The following MYH9 variants were observed in gnomAD, a reference collection of about 807,000 sequenced individuals.
The protein encoded by MYH9 is myosin heavy chain 9.
A neutral mutation model predicts 241.9 loss-of-function variants in MYH9; 29 were observed. That is an observed-to-expected ratio of 0.12 (90% CI 0.09 to 0.16). The LOEUF is 0.16. Ranked by LOEUF, MYH9 falls within the 10% of genes least tolerant of loss-of-function variation. The pLI, the probability that MYH9 is intolerant of heterozygous loss-of-function variation, is 1.00. For synonymous variants in MYH9, 1,047 were observed against 1,062.6 expected (o/e 0.99, Z 0.29); for missense variants, 1,803 against 2,595.5 (o/e 0.69, Z 6.63).
intron 2 of MYH9, among the ~76,000 whole-genome samples, chr22:36,342,667 A>G (rs2017608198): frequency 6.6e-6 from 1 of 151,400 alleles, no homozygotes; most frequent in Admixed American, 6.6e-5. Flanking sequence ...GCTGCGCAAG[A>G]CTCCCAAGAC....
intron 20 of MYH9, 165 bp from the exon 21 acceptor site, chr22:36,301,830 C>A: frequency 1.1e-6 from 1 of 877,992 alleles, no homozygotes; most frequent in Non-Finnish European, 1.8e-6. Flanking sequence ...CGCTCTGTAC[C>A]ACGGGCTTCT....
In MYH9 at chr22:36,286,800, G is replaced by C; in HGVS notation, c.4979C>G (p.Ser1660Cys). Residue 1660 changes from serine (S) to cysteine (C), a missense_variant, in exon 35 of 41, where the codon TCT becomes TGT. Coordinates refer to ENST00000216181, the MANE Select transcript of MYH9 (RefSeq NM_002473.6). Reference sequence around the variant, plus strand: ...GGCCTGGGCCAGGATCTCCTCACGAGAGGCGCGGGTGTCATCCAGCTCGCG... The same window carrying C: ...GGCCTGGGCCAGGATCTCCTCACGACAGGCGCGGGTGTCATCCAGCTCGCG... Reference protein sequence around the residue: ...CMRELDDTRASREEILAQAKE... With the variant: ...CMRELDDTRACREEILAQAKE... The C allele has an allele frequency of 3.1e-6, 5 of 1,612,162 alleles. No individual in the cohort carries two copies. The highest frequency in any genetic ancestry group is 4.2e-6 in the Non-Finnish European group (5 of 1,180,032).
At chr22:36,342,047 T>C (rs183487591) in intron 2 of MYH9, among the ~76,000 whole-genome samples, 8 of 152,332 alleles carry the variant, frequency 5.3e-5, no homozygotes, top group Non-Finnish European at 5.9e-5. Context: ...CTTTGTGGGA[T>C]AGTGGGTCCC....
At chr22:36,347,227 G>A (rs2017690600) in intron 2 of MYH9, among the ~76,000 whole-genome samples, 1 of 151,912 alleles carries the variant, frequency 6.6e-6, no homozygotes, top group East Asian at 1.9e-4. Flanking sequence ...CTTGCCAGAA[G>A]AAAGAAAATG....
intron 1 of MYH9, among the ~76,000 whole-genome samples, chr22:36,374,255 A>T (rs1379698598): frequency 6.6e-6 from 1 of 151,996 alleles, no homozygotes; most frequent in Admixed American, 6.6e-5. Context: ...TGGTAGCTCA[A>T]GCATGTAATC....
chr22:36,297,053 T>C (rs971028483), intron 24 of MYH9, 39 bp from the exon 25 acceptor site: 8 of 1,607,116 alleles, frequency 5.0e-6, no homozygotes, highest in Non-Finnish European at 6.8e-6. Flanking sequence ...CTCAGTGCCA[T>C]GGGTTCTGTC....
chr22:36,284,174 T>C lies in MYH9; in HGVS notation c.5684A>G (p.Lys1895Arg). Reference protein sequence around the residue: ...EAQRANASRRKLQRELEDATE... With the variant: ...EAQRANASRRRLQRELEDATE... ...GGCGTCCTCCAGCTCGCGCTGCAGT[T>C]TCCGGCGGGAGGCGTTGGCCCGCTG... Residue 1895 changes from lysine (K) to arginine (R), a missense_variant, in exon 40 of 41, where the codon AAA (lysine) becomes AGA (arginine). Transcript: ENST00000216181. 3 of 1,614,048 alleles carry C rather than the reference T, an allele frequency of 1.9e-6. No individual in the cohort carries two copies. The highest frequency in any genetic ancestry group is 3.3e-4 in the Middle Eastern group (2 of 6,036).
chr22:36,303,784 CAAAAAAAAA>C (rs56983008), intron 19 of MYH9, among the ~76,000 whole-genome samples: 1 of 48,432 alleles, frequency 2.1e-5, no homozygotes, highest in Non-Finnish European at 4.4e-5. Flanking sequence ...GACTCCGTCT[CAAAAAAAAA>C]AAAAAAAAAA....
intron 6 of MYH9, 49 bp from the exon 7 acceptor site, chr22:36,321,870 A>C (rs2017258054): frequency 1.9e-5 from 29 of 1,517,148 alleles, no homozygotes; most frequent in Non-Finnish European, 2.7e-5. Context: ...TGACATGGGG[A>C]GCTAGAGAGC....
chr22:36,329,776 C>T lies in MYH9; in HGVS notation c.491-2288G>A, dbSNP rs563758852. Among the ~76,000 whole-genome samples the T allele has an allele frequency of 4.6e-4, 70 of 152,274 alleles. No homozygotes were observed. The highest frequency in any genetic ancestry group is 1.6e-3 in the African/African-American group (65 of 41,550). ...TCGAGGGCATGCACACAGAGGCGCA[C>T]GCACGCACAAGGGCATGGACACACA... On this transcript the variant is annotated intron_variant, in intron 3 of 40. Transcript: ENST00000216181. This position sits in a 1 kb window ranked among gnomAD's most constrained non-coding sequence, Gnocchi z 4.1.
At position 36,285,631 on chromosome 22, in the gene MYH9, C is replaced by T. The variant is rs1453368538; in HGVS notation, c.5274+27G>A. 1.9e-6 allele frequency: 3 copies of T among 1,611,466 alleles called. No homozygotes were observed. Among genetic ancestry groups the T allele is most frequent in the East Asian group, 2.2e-5 (1 of 44,876 alleles). On this transcript the variant is annotated intron_variant, in intron 37 of 40. Coordinates refer to ENST00000216181, the MANE Select transcript of MYH9 (RefSeq NM_002473.6). The surrounding 1 kb of genome is among the most constrained non-coding windows in gnomAD (Gnocchi z 7.0). The stretch of plus-strand genomic sequence containing the variant: ...TGCCGTGGTGGCTCCAGCCAGAGCC[C>T]AGAGTGGGAGAAGTCCTGGCACCCA...
intron 2 of MYH9, among the ~76,000 whole-genome samples, chr22:36,344,872 AT>A (rs2017652168): frequency 6.6e-6 from 1 of 152,210 alleles, no homozygotes; most frequent in Admixed American, 6.5e-5. Context: ...TATCCAGCAG[AT>A]CCCAAAAGAG....
chr22:36,292,712 GC>G (rs1378193796), intron 30 of MYH9, among the ~76,000 whole-genome samples: 1 of 152,238 alleles, frequency 6.6e-6, no homozygotes, highest in African/African-American at 2.4e-5. Flanking sequence ...GCACATGGAG[GC>G]CCAAGATAGG....
chr22:36,301,679 T>A lies in MYH9; in HGVS notation c.2500-14A>T, dbSNP rs199505086. 1.9e-5 allele frequency: 30 copies of A among 1,612,416 alleles called. No individual in the cohort carries two copies. Among genetic ancestry groups the A allele is most frequent in the Non-Finnish European group, 2.5e-5 (30 of 1,179,944 alleles). On this transcript the variant is annotated splice_polypyrimidine_tract_variant and intron_variant, in intron 20 of 40. Coordinates refer to ENST00000216181, the MANE Select transcript of MYH9 (RefSeq NM_002473.6). ...CAGCGGCTTGACCTGGGAGAGGAGATAGAGGTAGAGACATGCTCGGCTGGA... is the reference window on the plus strand; with the variant it reads ...CAGCGGCTTGACCTGGGAGAGGAGAAAGAGGTAGAGACATGCTCGGCTGGA...
At chr22:36,292,288 C>T in intron 30 of MYH9, 54 bp from the exon 31 acceptor site, 2 of 1,609,582 alleles carry the variant, frequency 1.2e-6, no homozygotes, top group Non-Finnish European at 1.7e-6. Context: ...GCTCAGGTGG[C>T]ACACCCGTCC....
chr22:36,292,455 G>C lies in MYH9; in HGVS notation c.4096-221C>G, dbSNP rs111757779. ...TCTGTCTACTGTGTGAAGCCCGGGGGAGGCTGACCCCCAGGCCCGCTGTGG... is the reference window on the plus strand; with the variant it reads ...TCTGTCTACTGTGTGAAGCCCGGGGCAGGCTGACCCCCAGGCCCGCTGTGG... On this transcript the variant is annotated intron_variant, in intron 30 of 40. Transcript: ENST00000216181. 1.4e-4 allele frequency among the ~76,000 whole-genome samples: 22 copies of C among 152,214 alleles called. 1 individual carries two copies. Among genetic ancestry groups the C allele is most frequent in the African/African-American group, 4.8e-4 (20 of 41,454 alleles).
chr22:36,362,154 G>A (rs2017945112), intron 1 of MYH9, among the ~76,000 whole-genome samples: 1 of 152,174 alleles, frequency 6.6e-6, no homozygotes, highest in East Asian at 1.9e-4. Flanking sequence ...CTGGGGACTT[G>A]CAAGGAGGGA....
In MYH9 at chr22:36,320,969, T is replaced by G. The variant is rs200396016; in HGVS notation, c.770-73A>C. The G allele has an allele frequency of 1.6e-6, 2 of 1,216,888 alleles. No individual in the cohort carries two copies. The highest frequency in any genetic ancestry group is 1.9e-5 in the Admixed American group (1 of 53,136). The allele number at this position is 1,216,888 out of a possible 1,614,324, so 75.4% of individuals were successfully genotyped here. On this transcript the variant is annotated intron_variant, in intron 7 of 40. Transcript: ENST00000216181. The surrounding 1 kb of genome is among the most constrained non-coding windows in gnomAD (Gnocchi z 4.8). ...TCCACTTTCCTCATTTTTTTTTTTTTGGAGACAGAGTCTCGCTCTGTCACC... is the reference window on the plus strand; with the variant it reads ...TCCACTTTCCTCATTTTTTTTTTTTGGGAGACAGAGTCTCGCTCTGTCACC...
rs1429593637 is a variant in MYH9, at chr22:36,301,529, C to T, written c.2631+5G>A. 6.2e-7 allele frequency: 1 copy of T among 1,613,154 alleles called. No individual in the cohort carries two copies. The highest frequency in any genetic ancestry group is 8.5e-7 in the Non-Finnish European group (1 of 1,180,034). Reference sequence around the variant, plus strand: ...GACCTGGACTGAGCCTGCACTGACACCCACCTGAGACTGCAGCGTCTCCAT... The same window carrying T: ...GACCTGGACTGAGCCTGCACTGACATCCACCTGAGACTGCAGCGTCTCCAT... On this transcript the variant is annotated splice_donor_5th_base_variant and intron_variant, in intron 21 of 40. Coordinates refer to ENST00000216181, the MANE Select transcript of MYH9 (RefSeq NM_002473.6).
Sources: gnomAD v4.1 joint callset for allele counts (sites outside exome capture counted in the v4.1 genomes callset) on GRCh38, gnomAD v4.1.1 for gene constraint, Gnocchi (gnomAD v3.1) non-coding constraint, MANE v1.5 for transcripts, NCBI Gene and HGNC (gene_info 2026-07-23, HGNC 2026-07-21) for gene names.